Variants in KAT2B observed in about 807,000 individuals in gnomAD.
KAT2B encodes the protein lysine acetyltransferase 2B, also known as histone acetyltransferase KAT2B.
In KAT2B, 36 loss-of-function variants were observed where a neutral mutation model predicts 105.9. The observed-to-expected ratio is 0.34, with a 90% CI of 0.26 to 0.45. The LOEUF (loss-of-function observed/expected upper bound fraction) is 0.45. Ranked by LOEUF, KAT2B falls within the 20% of genes least tolerant of loss-of-function variation. The probability of loss-of-function intolerance (pLI) is 1.00; values close to 1 mark genes in which losing one functional copy is unlikely to be tolerated. For synonymous variants in KAT2B, 397 were observed against 377.9 expected (o/e 1.05, Z -0.59); for missense variants, 820 against 1,021.6 (o/e 0.80, Z 2.69).
At chr3:20,054,401 G>A (rs975876849) in intron 1 of KAT2B, among the ~76,000 whole-genome samples, 2 of 152,098 alleles carry the variant, frequency 1.3e-5, no homozygotes, top group African/African-American at 4.8e-5. Flanking sequence ...TGCTGGGATT[G>A]ATTACAGATG....
intron 1 of KAT2B, among the ~76,000 whole-genome samples, chr3:20,060,098 A>G (rs1006954206): frequency 1.3e-5 from 2 of 152,248 alleles, no homozygotes; most frequent in African/African-American, 4.8e-5. Flanking sequence ...AATCCGTTAT[A>G]TGACTAGAAC....
intron 2 of KAT2B, among the ~76,000 whole-genome samples, chr3:20,078,816 AT>A (rs1396468458): frequency 6.7e-6 from 1 of 149,980 alleles, no homozygotes; most frequent in Non-Finnish European, 1.5e-5. Context: ...AACTTTTAAA[AT>A]TTTGAGTTAG....
intron 11 of KAT2B, among the ~76,000 whole-genome samples, chr3:20,129,264 TG>T (rs1699466657): frequency 6.6e-6 from 1 of 152,120 alleles, no homozygotes; most frequent in African/African-American, 2.4e-5. Flanking sequence ...AGATTAATTT[TG>T]GAAATTTATT....
At position 20,115,829 on chromosome 3, in the gene KAT2B, T is replaced by A. The variant is rs750845352; in HGVS notation, c.1150+841T>A. Among the ~76,000 whole-genome samples, 29 of 152,274 alleles carry A rather than the reference T, an allele frequency of 1.9e-4. 1 individual carries two copies. The highest frequency in any genetic ancestry group is 5.8e-4 in the East Asian group (3 of 5,180). On this transcript the variant is annotated intron_variant, in intron 7 of 17. Transcript: ENST00000263754. ...GTGATCTGTGTTTTTGTTCTTACAG[T>A]TTTGCCTTTTCCAGAATGTCATAGG...
At chr3:20,047,081 C>CT (rs879886748) in intron 1 of KAT2B, among the ~76,000 whole-genome samples, 14 of 147,854 alleles carry the variant, frequency 9.5e-5, no homozygotes, top group Non-Finnish European at 1.2e-4. Context: ...TTGCCCCCCC[C>CT]TTTTTTTTTT....
At chr3:20,072,285 A>C in intron 1 of KAT2B, 48 bp from the exon 2 acceptor site, 1 of 1,596,130 alleles carries the variant, frequency 6.3e-7, no homozygotes, top group Non-Finnish European at 8.6e-7. Flanking sequence ...CCATCAGTCC[A>C]CGGCTGCCTG....
intron 12 of KAT2B, among the ~76,000 whole-genome samples, chr3:20,138,307 T>C (rs1261848744): frequency 6.6e-6 from 1 of 152,212 alleles, no homozygotes; most frequent in African/African-American, 2.4e-5. Flanking sequence ...TATATAAACA[T>C]AAAAGTTGGT....
intron 1 of KAT2B, among the ~76,000 whole-genome samples, chr3:20,050,833 A>C (rs1697903077): frequency 6.6e-6 from 1 of 151,964 alleles, no homozygotes; most frequent in African/African-American, 2.4e-5. Flanking sequence ...TCTTTAACTA[A>C]GCTTTTGAAA....
intron 1 of KAT2B, among the ~76,000 whole-genome samples, chr3:20,057,434 T>G (rs1698020667): frequency 6.6e-6 from 1 of 152,168 alleles, no homozygotes; most frequent in Non-Finnish European, 1.5e-5. Flanking sequence ...AGGCACTACT[T>G]ATTTTGCTCA....
chr3:20,057,414 A>G (rs1698020323), intron 1 of KAT2B, among the ~76,000 whole-genome samples: 2 of 152,174 alleles, frequency 1.3e-5, no homozygotes, highest in Admixed American at 6.5e-5. Flanking sequence ...GTCCAAGGAA[A>G]CAACGTATAA....
intron 1 of KAT2B, among the ~76,000 whole-genome samples, chr3:20,050,346 C>T (rs1697894716): frequency 6.6e-6 from 1 of 151,956 alleles, no homozygotes; most frequent in African/African-American, 2.4e-5. Flanking sequence ...GTTTATAGCG[C>T]AATTAATTTT....
chr3:20,095,935 G>A (rs1337589659), intron 3 of KAT2B, among the ~76,000 whole-genome samples: 1 of 152,190 alleles, frequency 6.6e-6, no homozygotes, highest in Non-Finnish European at 1.5e-5. Flanking sequence ...CCTCTCTGAG[G>A]AGATGGAAGT....
At chr3:20,132,102 T>G (rs528294887) in intron 11 of KAT2B, among the ~76,000 whole-genome samples, 36 of 152,226 alleles carry the variant, frequency 2.4e-4, no homozygotes, top group Non-Finnish European at 4.3e-4. Flanking sequence ...GGGCCAGGCG[T>G]GGTGGCTCAC....
Position 20,101,442 on chromosome 3 carries a change from T to C in KAT2B, c.825T>C (p.Ile275=), listed in dbSNP as rs1698908796. 8 of 1,614,110 alleles carry C rather than the reference T, an allele frequency of 5.0e-6. No individual in the cohort carries two copies. The highest frequency in any genetic ancestry group is 5.9e-6 in the Non-Finnish European group (7 of 1,179,972). ...GACTGCGATCTCCCAATGATGATAT[T>C]TCTGGATACAAAGAGAACTACACAA... is the stretch of plus-strand genomic sequence containing the variant. The part of the protein sequence containing the change: ...QRRLRSPNDD[I]SGYKENYTRW... Residue 275 remains isoleucine (I), a synonymous_variant, in exon 5 of 18, where the codon ATT becomes ATC. Transcript: ENST00000263754.
At chr3:20,126,854 A>G (rs1055904371) in intron 10 of KAT2B, among the ~76,000 whole-genome samples, 4 of 149,924 alleles carry the variant, frequency 2.7e-5, no homozygotes, top group Admixed American at 2.0e-4. Context: ...ACGAAACCCT[A>G]AAGAACTAAA....
intron 11 of KAT2B, among the ~76,000 whole-genome samples, chr3:20,135,198 A>C (rs1239530709): frequency 2.0e-5 from 3 of 152,244 alleles, no homozygotes; most frequent in African/African-American, 7.2e-5. Context: ...GGAAAAGTTA[A>C]AAGCTAAAAT....
intron 1 of KAT2B, among the ~76,000 whole-genome samples, chr3:20,059,240 C>T (rs1201759442): frequency 6.6e-6 from 1 of 151,550 alleles, no homozygotes; most frequent in Non-Finnish European, 1.5e-5. Context: ...TGGTGAAACC[C>T]CGTCTCTACT....
intron 1 of KAT2B, among the ~76,000 whole-genome samples, chr3:20,063,798 C>T (rs570687440): frequency 6.6e-6 from 1 of 152,012 alleles, no homozygotes; most frequent in African/African-American, 2.4e-5. Flanking sequence ...GCTTCGGCCT[C>T]CCCAAGTGCT....
At position 20,148,019 on chromosome 3, in the gene KAT2B, G is replaced by C. The variant is rs546020610; in HGVS notation, c.2156+20G>C. 2 of 1,611,294 alleles carry C rather than the reference G, an allele frequency of 1.2e-6. No individual in the cohort carries two copies. Among genetic ancestry groups the C allele is most frequent in the Non-Finnish European group, 1.7e-6 (2 of 1,178,366 alleles). The stretch of plus-strand genomic sequence containing the variant: ...GAAAAGGTAAGTATGACGGGCAAGA[G>C]GATGTTAATGGAAGTGATTTTTTTT... On this transcript the variant is annotated intron_variant, in intron 15 of 17. Transcript: ENST00000263754.
Sources: allele counts gnomAD v4.1 joint callset (sites outside exome capture counted in the v4.1 genomes callset), GRCh38; gene constraint gnomAD v4.1.1; transcripts MANE v1.5; gene names NCBI Gene and HGNC (gene_info 2026-07-23, HGNC 2026-07-21).